PTPRK: variants seen among roughly 807,000 people sequenced by gnomAD.
PTPRK encodes protein tyrosine phosphatase receptor type K, also known as receptor-type tyrosine-protein phosphatase kappa.
Under a neutral mutation model 178.0 loss-of-function variants are expected in PTPRK, and 75 were observed. The observed-to-expected ratio is 0.42, with a 90% CI of 0.35 to 0.51. The LOEUF (loss-of-function observed/expected upper bound fraction) is 0.51. Ranked by LOEUF, PTPRK falls within the 20% of genes least tolerant of loss-of-function variation. The pLI is 0.02. For missense variants in PTPRK, 1,441 were observed against 1,797.8 expected (o/e 0.80, Z 3.59); for synonymous variants, 637 against 620.6 (o/e 1.03, Z -0.39).
intron 2 of PTPRK, among the ~76,000 whole-genome samples, chr6:128,359,888 T>C (rs1834497420): frequency 1.3e-5 from 2 of 152,258 alleles, no homozygotes; most frequent in Non-Finnish European, 2.9e-5. Flanking sequence ...ATTCAGTAGC[T>C]TGCTCAGGTG....
intron 1 of PTPRK, among the ~76,000 whole-genome samples, chr6:128,447,079 C>A (rs76331123): frequency 0.017 from 2,516 of 152,118 alleles, 28 homozygotes; most frequent in Non-Finnish European, 0.027. Flanking sequence ...TGAGGGGGTA[C>A]GAAAATGTTT....
At chr6:128,484,119 T>C (rs17460765) in intron 1 of PTPRK, among the ~76,000 whole-genome samples, 19,870 of 152,116 alleles carry the variant, frequency 0.13, 1,726 homozygotes, top group Non-Finnish European at 0.2. Context: ...CACCTTATGG[T>C]TACCACGTGT....
At chr6:128,514,895 T>C (rs1857726080) in intron 1 of PTPRK, among the ~76,000 whole-genome samples, 1 of 152,144 alleles carries the variant, frequency 6.6e-6, no homozygotes, top group Admixed American at 6.6e-5. Flanking sequence ...AAATATTAAA[T>C]ACAGATCAAA....
intron 13 of PTPRK, among the ~76,000 whole-genome samples, chr6:128,012,230 ATATT>A (rs1779133456): frequency 6.6e-6 from 1 of 151,228 alleles, no homozygotes. Flanking sequence ...ATGTCTGTAT[ATATT>A]TATTAGTTTG....
intron 6 of PTPRK, among the ~76,000 whole-genome samples, chr6:128,201,203 C>T (rs1365135923): frequency 1.3e-5 from 2 of 152,128 alleles, no homozygotes; most frequent in Non-Finnish European, 2.9e-5. Context: ...ATTGAAAACA[C>T]TTCCAAAATT....
At chr6:128,251,084 G>T (rs919723016) in intron 3 of PTPRK, among the ~76,000 whole-genome samples, 3 of 152,174 alleles carry the variant, frequency 2.0e-5, no homozygotes, top group Non-Finnish European at 4.4e-5. Flanking sequence ...TCAAGGCCTT[G>T]AGACTCTGAA....
Position 127,999,732 on chromosome 6 carries a change from C to T in PTPRK, c.2495-828G>A, listed in dbSNP as rs115973810. 8.3e-3 allele frequency among the ~76,000 whole-genome samples: 1,266 copies of T among 152,052 alleles called. 20 individuals carry two copies. The highest frequency in any genetic ancestry group is 0.029 in the African/African-American group (1,190 of 41,506). ...CTTGCTCTATATTTTAATGATTTAT[C>T]TACTTGGCTATTTTCCTCACTAAAT... On this transcript the variant is annotated intron_variant, in intron 15 of 29. Coordinates refer to ENST00000368226, the MANE Select transcript of PTPRK (RefSeq NM_002844.4).
At chr6:128,450,343 T>G (rs2128405738) in intron 1 of PTPRK, among the ~76,000 whole-genome samples, 1 of 152,340 alleles carries the variant, frequency 6.6e-6, no homozygotes, top group South Asian at 2.1e-4. Context: ...TATCTTCTTC[T>G]CTGTAATAGC....
At chr6:128,308,032 A>T (rs1826694193) in intron 3 of PTPRK, among the ~76,000 whole-genome samples, 1 of 152,176 alleles carries the variant, frequency 6.6e-6, no homozygotes, top group Non-Finnish European at 1.5e-5. Flanking sequence ...AACTATCCAT[A>T]GACAAATGAC....
rs1220870954 is a variant in PTPRK, at chr6:128,519,826, A to G, written c.100+433T>C. ...GCACCTGGCAAAGCGCGCCGAGGTC[A>G]GTCCCTTCGAATCTCCACATTTCTG... On this transcript the variant is annotated intron_variant, in intron 1 of 29. Coordinates refer to ENST00000368226, the MANE Select transcript of PTPRK (RefSeq NM_002844.4). The surrounding 1 kb of genome is among the most constrained non-coding windows in gnomAD (Gnocchi z 4.3). Among the ~76,000 whole-genome samples the G allele has an allele frequency of 1.3e-5, 2 of 152,230 alleles. No individual in the cohort carries two copies. Among genetic ancestry groups the G allele is most frequent in the African/African-American group, 4.8e-5 (2 of 41,470 alleles).
At chr6:128,274,284 G>T (rs1227445250) in intron 3 of PTPRK, among the ~76,000 whole-genome samples, 1 of 151,926 alleles carries the variant, frequency 6.6e-6, no homozygotes, top group Non-Finnish European at 1.5e-5. Flanking sequence ...CAGAATACAG[G>T]GTTTACTTGC....
intron 7 of PTPRK, among the ~76,000 whole-genome samples, chr6:128,124,053 T>G (rs1459267247): frequency 6.6e-6 from 1 of 151,736 alleles, no homozygotes; most frequent in Non-Finnish European, 1.5e-5. Flanking sequence ...TTTTTTTTTT[T>G]TTTTCCTTGA....
intron 1 of PTPRK, among the ~76,000 whole-genome samples, chr6:128,451,496 G>A (rs1317785193): frequency 2.6e-5 from 4 of 151,890 alleles, no homozygotes; most frequent in African/African-American, 9.7e-5. Flanking sequence ...TGTGGGGTGA[G>A]TTTTTTTAAT....
At chr6:128,104,441 C>T (rs1185019872) in intron 7 of PTPRK, among the ~76,000 whole-genome samples, 5 of 152,192 alleles carry the variant, frequency 3.3e-5, no homozygotes, top group Non-Finnish European at 5.9e-5. Context: ...CCAGGACGGT[C>T]TCGAACTCCT....
chr6:128,318,692 G>A (rs773002336), intron 3 of PTPRK, among the ~76,000 whole-genome samples: 2 of 152,144 alleles, frequency 1.3e-5, no homozygotes, highest in African/African-American at 2.4e-5. Context: ...TCACTGTTCA[G>A]TAAGAAGGTA....
At chr6:128,472,762 T>G (rs1328919959) in intron 1 of PTPRK, 1 of 272,748 alleles carries the variant, frequency 3.7e-6, no homozygotes, top group Admixed American at 5.0e-5. Context: ...TAAGAAAACT[T>G]AACATTGATA....
chr6:128,493,243 G>T (rs372398877), intron 1 of PTPRK, among the ~76,000 whole-genome samples: 1 of 151,944 alleles, frequency 6.6e-6, no homozygotes, highest in African/African-American at 2.4e-5. Flanking sequence ...TATTACATAC[G>T]AACATCTCAA....
At chr6:128,510,192 C>G (rs2128442709) in intron 1 of PTPRK, among the ~76,000 whole-genome samples, 1 of 152,284 alleles carries the variant, frequency 6.6e-6, no homozygotes, top group East Asian at 1.9e-4. Context: ...GCCAGCTGCC[C>G]TGGCCATTGA....
chr6:128,090,157 CA>C lies in PTPRK; in HGVS notation c.1163-166del, dbSNP rs1786673129. Reference sequence around the variant, plus strand: ...TTCATGATCCTATTCTTGAAGGTTTCAATCAGGGACTAAGATTTAACAACAG... The same window carrying C: ...TTCATGATCCTATTCTTGAAGGTTTCATCAGGGACTAAGATTTAACAACAG... On this transcript the variant is annotated intron_variant, in intron 7 of 29. Coordinates refer to ENST00000368226, the MANE Select transcript of PTPRK (RefSeq NM_002844.4). 2.6e-5 allele frequency among the ~76,000 whole-genome samples: 4 copies of C among 152,194 alleles called. 1 individual carries two copies. Among genetic ancestry groups the C allele is most frequent in the Admixed American group, 2.6e-4 (4 of 15,272 alleles).
Sources: gnomAD v4.1 joint callset for allele counts (sites outside exome capture counted in the v4.1 genomes callset) on GRCh38, gnomAD v4.1.1 for gene constraint, Gnocchi (gnomAD v3.1) non-coding constraint, MANE v1.5 for transcripts, NCBI Gene and HGNC (gene_info 2026-07-23, HGNC 2026-07-21) for gene names.